The following PTPRS variants were observed in gnomAD, a reference collection of about 807,000 sequenced individuals.
The protein encoded by PTPRS is protein tyrosine phosphatase receptor type S.
A neutral mutation model predicts 215.3 loss-of-function variants in PTPRS; 63 were observed. The ratio of observed to expected loss-of-function variants is 0.29; its 90% CI spans 0.24 to 0.36. PTPRS has a LOEUF of 0.36. Ranked by LOEUF, PTPRS falls within the 10% of genes least tolerant of loss-of-function variation. The pLI is 1.00. For synonymous variants in PTPRS, 1,404 were observed against 1,191.4 expected (o/e 1.18, Z -3.68); for missense variants, 2,258 against 2,825.8 (o/e 0.80, Z 4.56).
At chr19:5,222,244 GGA>G (rs2042038370) in intron 18 of PTPRS, 24 bp from the exon 19 acceptor site, 1 of 1,594,330 alleles carries the variant, frequency 6.3e-7, no homozygotes, top group Non-Finnish European at 8.6e-7. Context: ...GGCCGAGCAG[GGA>G]GAGAGCAGAA....
Position 5,245,759 on chromosome 19 carries a change from C to G in PTPRS, c.988+17G>C, listed in dbSNP as rs1265305946. The G allele has an allele frequency of 6.4e-7, 1 of 1,562,234 alleles. No homozygotes were observed. Among genetic ancestry groups the G allele is most frequent in the Admixed American group, 1.8e-5 (1 of 56,814 alleles). On this transcript the variant is annotated intron_variant, in intron 10 of 37. Coordinates refer to ENST00000262963, the MANE Select transcript of PTPRS (RefSeq NM_002850.4). Reference sequence around the variant, plus strand: ...CAGCCTGCCCCTCCACCTACGAGCCCCATGGGCCCTGCTCACATTTCACCG... The same window carrying G: ...CAGCCTGCCCCTCCACCTACGAGCCGCATGGGCCCTGCTCACATTTCACCG...
intron 11 of PTPRS, among the ~76,000 whole-genome samples, chr19:5,241,676 G>A (rs1428793492): frequency 6.6e-6 from 1 of 151,984 alleles, no homozygotes; most frequent in Non-Finnish European, 1.5e-5. Context: ...GCTTCAGTGG[G>A]TGCCTGAGTC....
rs1285317201 is a variant in PTPRS, at chr19:5,212,043, G to C, written c.4977C>G (p.Arg1659=). 2 of 1,613,990 alleles carry C rather than the reference G, an allele frequency of 1.2e-6. No individual in the cohort carries two copies. Among genetic ancestry groups the C allele is most frequent in the Non-Finnish European group, 1.7e-6 (2 of 1,180,044 alleles). ...GCTTCTGGATGTAGGCATAGAGGCT[G>C]CGTGCGGGCACTTCTGTGTTGCCAC... ...VGCGNTEVPA[R]SLYAYIQKLA... is the part of the protein sequence containing the mutation. The change falls in exon 32 of 38, where the codon CGC becomes CGG. Residue 1659 remains arginine (R), a synonymous_variant. Transcript: ENST00000262963.
At chr19:5,306,501 C>A (rs556373185) in intron 1 of PTPRS, among the ~76,000 whole-genome samples, 1 of 152,042 alleles carries the variant, frequency 6.6e-6, no homozygotes, top group Non-Finnish European at 1.5e-5. Flanking sequence ...CATGGCTGTT[C>A]CTCACATGAC....
At chr19:5,277,906 A>T in intron 2 of PTPRS, 1 of 1,288,802 alleles carries the variant, frequency 7.8e-7, no homozygotes, top group Non-Finnish European at 1.1e-6. Flanking sequence ...GATGCCCAAC[A>T]GTGGTTACGG....
chr19:5,277,164 A>T (rs1055089670), intron 2 of PTPRS, among the ~76,000 whole-genome samples: 3 of 149,624 alleles, frequency 2.0e-5, no homozygotes, highest in East Asian at 2.0e-4. Flanking sequence ...GGTTCATGCC[A>T]TTCTCCTGCC....
Position 5,296,650 on chromosome 19 carries a change from C to T in PTPRS, c.-94-10416G>A, listed in dbSNP as rs571555826. On this transcript the variant is annotated intron_variant, in intron 1 of 37. Coordinates refer to ENST00000262963, the MANE Select transcript of PTPRS (RefSeq NM_002850.4). ...GGCCCCGGGGCAGCACTGCACCTGG[C>T]GTGTTGGAGGAATGGCGAGGAGGCC... is the stretch of plus-strand genomic sequence containing the variant. Among the ~76,000 whole-genome samples the T allele has an allele frequency of 4.4e-4, 60 of 135,786 alleles. No individual in the cohort carries two copies. The South Asian group carries it at 0.014, about 31-fold the overall frequency. 89.1% of individuals were successfully genotyped at this position (135,786 alleles called of 152,430 possible). A position where few individuals can be genotyped will look rare whatever the true frequency, so the allele number is the denominator to read the frequency against.
chr19:5,228,736 T>A (rs1037851719), intron 16 of PTPRS, among the ~76,000 whole-genome samples: 12 of 151,948 alleles, frequency 7.9e-5, no homozygotes, highest in African/African-American at 2.7e-4. Context: ...CAGAGAGAGG[T>A]AGCAACTTGC....
chr19:5,239,572 A>T (rs1348666323), intron 12 of PTPRS, among the ~76,000 whole-genome samples: 1 of 151,982 alleles, frequency 6.6e-6, no homozygotes, highest in Non-Finnish European at 1.5e-5. Flanking sequence ...ACACACAGAG[A>T]CAGAGAAATA....
intron 9 of PTPRS, among the ~76,000 whole-genome samples, chr19:5,248,021 G>A (rs1315211307): frequency 6.7e-6 from 1 of 148,790 alleles, no homozygotes; most frequent in African/African-American, 2.5e-5. Context: ...GGTGAGGGGC[G>A]AGGTGCCGTG....
chr19:5,260,232 A>C (rs2045881122), intron 7 of PTPRS, among the ~76,000 whole-genome samples: 1 of 145,680 alleles, frequency 6.9e-6, no homozygotes, highest in African/African-American at 2.6e-5. Context: ...GCTGGAGTGC[A>C]GTGGCATGAT....
Position 5,237,904 on chromosome 19 carries a change from C to T in PTPRS, c.1849+1015G>A, listed in dbSNP as rs2043617520. 6.6e-6 allele frequency among the ~76,000 whole-genome samples: 1 copy of T among 151,758 alleles called. No homozygotes were observed. On this transcript the variant is annotated intron_variant, in intron 13 of 37. Transcript: ENST00000262963. This position sits in a 1 kb window ranked among gnomAD's most constrained non-coding sequence, Gnocchi z 4.2. ...CGCCCCACCCCCCCGATCCCAGCGG[C>T]TCAGATGCCCCGGCTGGAGTTGATG...
At chr19:5,232,307 A>T (rs1011870100) in intron 13 of PTPRS, among the ~76,000 whole-genome samples, 2 of 151,414 alleles carry the variant, frequency 1.3e-5, no homozygotes, top group African/African-American at 2.4e-5. Context: ...CAAGGGAAAC[A>T]GCAACAGAAG....
chr19:5,298,285 T>G (rs560582241), intron 1 of PTPRS, among the ~76,000 whole-genome samples: 28 of 152,340 alleles, frequency 1.8e-4, no homozygotes, highest in Non-Finnish European at 3.1e-4. Context: ...CTTCGTCTCC[T>G]GAAGAAACTT....
At chr19:5,252,946 C>A (rs1599714665) in intron 9 of PTPRS, among the ~76,000 whole-genome samples, 1 of 151,274 alleles carries the variant, frequency 6.6e-6, no homozygotes, top group East Asian at 1.9e-4. Flanking sequence ...TTTCCAAGTT[C>A]CCCTGGCATC....
At position 5,244,413 on chromosome 19, in the gene PTPRS, T is replaced by A; in HGVS notation, c.1058A>T (p.Asp353Val). ...NTATSITITW[D>V]SGNPDPVSYY... Reference sequence around the variant, plus strand: ...GGACACAGGATCTGGGTTGCCCGAGTCCCACGTGATGGTGATGCTGGTGGC... The same window carrying A: ...GGACACAGGATCTGGGTTGCCCGAGACCCACGTGATGGTGATGCTGGTGGC... Residue 353 changes from aspartate to valine, a missense_variant, in exon 11 of 38, where the codon GAC (aspartate) becomes GTC (valine). By Grantham distance (152) the Asp-to-Val change is radical. Coordinates refer to ENST00000262963, the MANE Select transcript of PTPRS (RefSeq NM_002850.4). This position sits in a 1 kb window ranked among gnomAD's most constrained non-coding sequence, Gnocchi z 7.2. 6.2e-7 allele frequency: 1 copy of A among 1,614,150 alleles called. No individual in the cohort carries two copies. The highest frequency in any genetic ancestry group is 8.5e-7 in the Non-Finnish European group (1 of 1,180,026).
intron 9 of PTPRS, among the ~76,000 whole-genome samples, chr19:5,254,413 T>C (rs2045394133): frequency 1.1e-5 from 1 of 87,382 alleles, no homozygotes; most frequent in Admixed American, 1.1e-4. Flanking sequence ...ACACGGATAT[T>C]TTATTGGGGG....
intron 17 of PTPRS, 75 bp downstream of exon 17, chr19:5,225,652 G>C (rs780245523): frequency 2.3e-6 from 3 of 1,277,234 alleles, no homozygotes; most frequent in Non-Finnish European, 3.4e-6. Context: ...TGAGCTCAAG[G>C]ACTCTGGAGT....
At position 5,257,942 on chromosome 19, in the gene PTPRS, G is replaced by A. The variant is rs909849564; in HGVS notation, c.706+75C>T. 64 of 1,305,744 alleles carry A rather than the reference G, an allele frequency of 4.9e-5. No individual in the cohort carries two copies. The highest frequency in any genetic ancestry group is 6.5e-5 in the Non-Finnish European group (60 of 925,610). The allele number at this position is 1,305,744 out of a possible 1,614,324, so 80.9% of individuals were successfully genotyped here. Reference sequence around the variant, plus strand: ...TGTGCAGGGGACGGGGGAGCCCGGAGGCGGTGAGCCCGAGGAGGGAGGGGG... The same window carrying A: ...TGTGCAGGGGACGGGGGAGCCCGGAAGCGGTGAGCCCGAGGAGGGAGGGGG... On this transcript the variant is annotated intron_variant, in intron 8 of 37. Coordinates refer to ENST00000262963, the MANE Select transcript of PTPRS (RefSeq NM_002850.4). The surrounding 1 kb of genome is among the most constrained non-coding windows in gnomAD (Gnocchi z 4.4).
Sources: gnomAD v4.1 joint callset for allele counts (sites outside exome capture counted in the v4.1 genomes callset) on GRCh38, gnomAD v4.1.1 for gene constraint, Gnocchi (gnomAD v3.1) non-coding constraint, MANE v1.5 for transcripts, NCBI Gene and HGNC (gene_info 2026-07-23, HGNC 2026-07-21) for gene names.